The following ITGB7 variants were observed in gnomAD, a reference collection of about 807,000 sequenced individuals.
ITGB7 encodes integrin beta-7.
ITGB7 carries 55 observed loss-of-function variants against 83.4 expected under a neutral mutation model. The observed-to-expected ratio is 0.66, with a 90% CI of 0.53 to 0.83. The LOEUF (loss-of-function observed/expected upper bound fraction) is 0.83. Among genes scored for constraint, ITGB7 ranks in the 40% least tolerant of loss-of-function variants. ITGB7 has a pLI of 0.00. For missense variants in ITGB7, 921 were observed against 1,046.7 expected, an observed-to-expected ratio of 0.88 and a Z score of 1.66; for synonymous variants, 454 against 423.6, an observed-to-expected ratio of 1.07 and a Z score of -0.88.
rs1299553049 is a variant in ITGB7 at position 53,192,898 on chromosome 12, C to T, written c.1739G>A (p.Cys580Tyr). ...ATGACAGTGACATACTCCACATTGG[C>T]AGCGACCAAAGCCTGGGGTAGAGCC... ...EGILCGGFGR[C>Y]QCGVCHCHAN... Residue 580 changes from cysteine (C) to tyrosine (Y), a missense_variant, in exon 13 of 16, where the codon TGC becomes TAC. Transcript: ENST00000267082. The T allele has an allele frequency of 3.1e-6, 5 of 1,613,928 alleles. No individual in the cohort carries two copies. Among genetic ancestry groups the T allele is most frequent in the South Asian group, 1.1e-5 (1 of 91,080 alleles).
chr12:53,199,887 C>A (rs1358811260), intron 3 of ITGB7, among the ~76,000 whole-genome samples: 2 of 152,172 alleles, frequency 1.3e-5, no homozygotes, highest in Non-Finnish European at 2.9e-5. Flanking sequence ...TGGGTAGTAC[C>A]TTTCTCCCAT....
At position 53,196,149 on chromosome 12, in the gene ITGB7, G is replaced by A. The variant is rs139004799; in HGVS notation, c.867C>T (p.Asp289=). ...NVSRLLVFTS[D]DTFHTAGDGK... The stretch of plus-strand genomic sequence containing the variant: ...CGTCCCCAGCTGTATGGAATGTGTC[G>A]TCTGAAGTGAACACCAGCAGCCGGG... The change falls in exon 7 of 16, where the codon GAC becomes GAT. Residue 289 remains aspartate, a synonymous_variant. Transcript: ENST00000267082. 1.0e-4 allele frequency: 162 copies of A among 1,614,052 alleles called. 1 individual carries two copies. In the African/African-American group the frequency reaches 1.1e-3, roughly 11 times the overall value.
rs374341313 is a variant in ITGB7 at position 53,195,463 on chromosome 12, C to T, written c.1072G>A (p.Glu358Lys). ...GACTTAGGAATCAGTTTACTCAGCT[C>T]CTGAGTTTTGGGGAGTTAAGGGAAA... Reference protein sequence around the residue: ...VTSAALPVYQELSKLIPKSAV... With the variant: ...VTSAALPVYQKLSKLIPKSAV... Residue 358 changes from glutamate to lysine, a missense_variant and splice_region_variant, in exon 9 of 16, where the codon GAG (glutamate) becomes AAG (lysine). By Grantham distance (56) the Glu-to-Lys change is moderately conservative (BLOSUM62 1). Transcript: ENST00000267082. 3.1e-6 allele frequency: 5 copies of T among 1,612,782 alleles called. No homozygotes were observed. In the African/African-American group the frequency reaches 6.7e-5, roughly 22 times the overall value.
At chr12:53,194,013 T>G in intron 10 of ITGB7, 112 bp from the exon 11 acceptor site, 1 of 1,312,284 alleles carries the variant, frequency 7.6e-7, no homozygotes, top group Non-Finnish European at 1.1e-6. Flanking sequence ...TGGGGTCATG[T>G]TAACACCCAA....
chr12:53,196,845 T>C, intron 5 of ITGB7, 25 bp from the exon 6 acceptor site: 1 of 1,578,034 alleles, frequency 6.3e-7, no homozygotes, highest in Non-Finnish European at 8.7e-7. Context: ...GAATGAAGGT[T>C]GTGCCAGAAG....
chr12:53,193,515 TGA>T lies in ITGB7; in HGVS notation c.1503-154_1503-153del, dbSNP rs1295022464. The T allele has an allele frequency of 1.1e-5, 8 of 736,920 alleles. No homozygotes were observed. In the East Asian group the frequency reaches 1.9e-4, roughly 18 times the overall value. The allele number at this position is 736,920 out of a possible 1,614,324, so 45.6% of individuals were successfully genotyped here. ...TTAAGTATAGTGAAACACTGAGGGG[TGA>T]GAGAGTGGAGGGAGCCCCAGTCAGG... On this transcript the variant is annotated intron_variant, in intron 11 of 15. Coordinates refer to ENST00000267082, the MANE Select transcript of ITGB7 (RefSeq NM_000889.3).
chr12:53,199,312 C>G (rs908875849), intron 3 of ITGB7, among the ~76,000 whole-genome samples: 2 of 152,142 alleles, frequency 1.3e-5, no homozygotes, highest in African/African-American at 4.8e-5. Context: ...AGGGAGACAC[C>G]TGCTCCCTAG....
chr12:53,193,083 C>G, intron 12 of ITGB7, 57 bp downstream of exon 12: 1 of 1,494,534 alleles, frequency 6.7e-7, no homozygotes, highest in East Asian at 2.3e-5. Context: ...TTCCCAGAGC[C>G]TAAGTGCCTT....
Position 53,193,130 on chromosome 12 carries a change from C to T in ITGB7, c.1726+10G>A, listed in dbSNP as rs551837556. 3.8e-6 allele frequency: 6 copies of T among 1,599,008 alleles called. No individual in the cohort carries two copies. Among genetic ancestry groups the T allele is most frequent in the South Asian group, 2.2e-5 (2 of 90,018 alleles). On this transcript the variant is annotated intron_variant, in intron 12 of 15. Transcript: ENST00000267082. ...TCAGACCCCGCCCTTCTCCCCAAGG[C>T]TCCAGGTACCTCCGCAGAGGATGCC... is the stretch of plus-strand genomic sequence containing the variant.
In ITGB7 at chr12:53,200,309, G is replaced by A. The variant is rs1942294816; in HGVS notation, c.135C>T (p.Cys45=). The part of the protein sequence containing the change: ...RNPHLSMLGS[C]QPAPSCQKCI... Reference sequence around the variant, plus strand: ...ACTTCTGGCAGGAGGGGGCTGGCTGGCAGGACCCCAGCATGGACAGGTGAG... The same window carrying A: ...ACTTCTGGCAGGAGGGGGCTGGCTGACAGGACCCCAGCATGGACAGGTGAG... Residue 45 remains cysteine (C), a synonymous_variant, in exon 3 of 16, where the codon TGC becomes TGT. Transcript: ENST00000267082. 2 of 1,614,182 alleles carry A rather than the reference G, an allele frequency of 1.2e-6. No individual in the cohort carries two copies. Among genetic ancestry groups the A allele is most frequent in the Non-Finnish European group, 1.7e-6 (2 of 1,180,048 alleles).
chr12:53,191,427 A>C lies in ITGB7; in HGVS notation c.*129T>G. 1 of 751,852 alleles carries C rather than the reference A, an allele frequency of 1.3e-6. No homozygotes were observed. Among genetic ancestry groups the C allele is most frequent in the South Asian group, 1.5e-5 (1 of 67,866 alleles). The allele number at this position is 751,852 out of a possible 1,614,324, so 46.6% of individuals were successfully genotyped here. On this transcript the variant is annotated 3_prime_UTR_variant, in exon 16 of 16. Transcript: ENST00000267082. The stretch of plus-strand genomic sequence containing the variant: ...TTGGGTGTCACTCTGAAAATGAAGT[A>C]GGGTGGTGGCCGCACCTCGCCAGTG...
intron 15 of ITGB7, 102 bp from the exon 16 acceptor site, chr12:53,191,738 G>C (rs1941952966): frequency 1.3e-6 from 2 of 1,515,904 alleles, no homozygotes; most frequent in East Asian, 2.2e-5. Context: ...GGAGCTGATG[G>C]AAGTTAGCAG....
At chr12:53,206,169 T>C (rs780540633) in intron 1 of ITGB7, among the ~76,000 whole-genome samples, 2 of 152,168 alleles carry the variant, frequency 1.3e-5, no homozygotes. Context: ...CTGCCACCTA[T>C]TTCTCTGTCT....
At chr12:53,199,622 G>A (rs1006919043) in intron 3 of ITGB7, among the ~76,000 whole-genome samples, 1 of 151,578 alleles carries the variant, frequency 6.6e-6, no homozygotes, top group Non-Finnish European at 1.5e-5. Context: ...GGGCCTAAGG[G>A]TGGAACCCTC....
Position 53,192,334 on chromosome 12 carries a change from T to C in ITGB7, c.2151A>G (p.Gln717=). ...RGTVVLRVRP[Q]EKGADHTQAI... ...GTGGCATCCCTGCCCACTTACTTTCTTGGGGTCTCACTCTGAGCACGACCG... is the reference window on the plus strand; with the variant it reads ...GTGGCATCCCTGCCCACTTACTTTCCTGGGGTCTCACTCTGAGCACGACCG... Residue 717 remains glutamine (Q), a synonymous_variant, in exon 14 of 16, where the codon CAA becomes CAG. Transcript: ENST00000267082. 6.2e-7 allele frequency: 1 copy of C among 1,614,046 alleles called. No individual in the cohort carries two copies.
intron 3 of ITGB7, among the ~76,000 whole-genome samples, chr12:53,199,271 A>G (rs1278385322): frequency 6.6e-6 from 1 of 152,150 alleles, no homozygotes; most frequent in African/African-American, 2.4e-5. Flanking sequence ...TCTTTAAAGC[A>G]TAAACAAACA....
intron 1 of ITGB7, among the ~76,000 whole-genome samples, chr12:53,206,076 G>A (rs1942437108): frequency 6.6e-6 from 1 of 152,116 alleles, no homozygotes; most frequent in South Asian, 2.1e-4. Context: ...CCCCTTAAAG[G>A]GGGCCCTGGG....
At chr12:53,192,614 G>T (rs762561473) in intron 13 of ITGB7, 76 bp from the exon 14 acceptor site, 1 of 1,596,476 alleles carries the variant, frequency 6.3e-7, no homozygotes, top group South Asian at 1.1e-5. Context: ...CAAGCAGGAC[G>T]GAGAGTAGGC....
intron 14 of ITGB7, 77 bp from the exon 15 acceptor site, chr12:53,192,096 G>T: frequency 6.6e-7 from 1 of 1,515,980 alleles, no homozygotes; most frequent in Non-Finnish European, 8.9e-7. Flanking sequence ...AGTGTGTCCA[G>T]CCTGTCCAAC....
Sources: gnomAD v4.1 joint callset for allele counts (sites outside exome capture counted in the v4.1 genomes callset) on GRCh38, gnomAD v4.1.1 for gene constraint, MANE v1.5 for transcripts, NCBI Gene and HGNC (gene_info 2026-07-23, HGNC 2026-07-21) for gene names.